The following TSPAN9 variants were observed in gnomAD, a reference collection of about 807,000 sequenced individuals.
TSPAN9 encodes tetraspanin 9.
Under a neutral mutation model 31.0 loss-of-function variants are expected in TSPAN9, and 16 were observed. The observed-to-expected ratio is 0.52, with a 90% CI of 0.35 to 0.78. The LOEUF is 0.78. Ranked by LOEUF, TSPAN9 falls within the 30% of genes least tolerant of loss-of-function variation. TSPAN9 has a pLI of 0.01. For missense variants in TSPAN9, 272 were observed against 312.5 expected (o/e 0.87, Z 0.98); for synonymous variants, 145 against 121.6 (o/e 1.19, Z -1.27).
At chr12:3,115,315 T>C (rs1254611745) in intron 2 of TSPAN9, among the ~76,000 whole-genome samples, 2 of 152,230 alleles carry the variant, frequency 1.3e-5, no homozygotes, top group Non-Finnish European at 2.9e-5. Context: ...ATTTTGTTTA[T>C]CTGTACCCAT....
chr12:3,235,478 C>T (rs1022880923), intron 3 of TSPAN9, among the ~76,000 whole-genome samples: 1 of 151,564 alleles, frequency 6.6e-6, no homozygotes, highest in Non-Finnish European at 1.5e-5. Flanking sequence ...GGCAAAAGTA[C>T]ATATGCCCCA....
intron 3 of TSPAN9, among the ~76,000 whole-genome samples, chr12:3,248,822 T>C (rs1219029867): frequency 1.3e-5 from 2 of 152,136 alleles, no homozygotes; most frequent in Non-Finnish European, 2.9e-5. Context: ...CTTCCACTGG[T>C]CTTTCAAACT....
chr12:3,093,436 G>A lies in TSPAN9; in HGVS notation c.-18+9717G>A, dbSNP rs1488005393. Among the ~76,000 whole-genome samples the A allele has an allele frequency of 2.6e-5, 4 of 152,304 alleles. No homozygotes were observed. The East Asian group carries it at 5.8e-4, about 22-fold the overall frequency. The stretch of plus-strand genomic sequence containing the variant: ...CCAGCTCACCCATAAAAGCTGGTGA[G>A]TCTCCGAGTGTCCTCAGGTCTGTGG... On this transcript the variant is annotated intron_variant, in intron 2 of 8. Coordinates refer to ENST00000011898, the MANE Select transcript of TSPAN9 (RefSeq NM_006675.5).
At chr12:3,123,295 G>A (rs986394878) in intron 2 of TSPAN9, among the ~76,000 whole-genome samples, 1 of 152,224 alleles carries the variant, frequency 6.6e-6, no homozygotes, top group Non-Finnish European at 1.5e-5. Flanking sequence ...GTGCCCTAGA[G>A]CCCTGTCCCA....
At chr12:3,222,077 G>A (rs1481989516) in intron 3 of TSPAN9, among the ~76,000 whole-genome samples, 1 of 152,224 alleles carries the variant, frequency 6.6e-6, no homozygotes, top group Non-Finnish European at 1.5e-5. Context: ...GCTCTGTTAT[G>A]AATGTATTTC....
chr12:3,154,539 G>A (rs929045964), intron 2 of TSPAN9, among the ~76,000 whole-genome samples: 3 of 152,178 alleles, frequency 2.0e-5, no homozygotes, highest in Admixed American at 6.5e-5. Context: ...TCAGATGAGC[G>A]ATAACAGCCC....
chr12:3,157,248 C>T (rs747520684), intron 2 of TSPAN9, among the ~76,000 whole-genome samples: 20 of 152,006 alleles, frequency 1.3e-4, no homozygotes, highest in Admixed American at 4.6e-4. Flanking sequence ...TACGGGTGCC[C>T]GCCACCATGC....
At chr12:3,268,873 T>C (rs374719160) in intron 3 of TSPAN9, among the ~76,000 whole-genome samples, 55 of 103,880 alleles carry the variant, frequency 5.3e-4, no homozygotes, top group South Asian at 9.0e-4. Context: ...GCCTGCCCTC[T>C]GTGCGTTCCT....
intron 3 of TSPAN9, among the ~76,000 whole-genome samples, chr12:3,229,033 A>G (rs1034149698): frequency 2.0e-5 from 3 of 152,248 alleles, no homozygotes; most frequent in African/African-American, 7.2e-5. Context: ...CAGGTCATCC[A>G]GGATGATCTC....
intron 3 of TSPAN9, among the ~76,000 whole-genome samples, chr12:3,246,599 G>T (rs1284123323): frequency 6.6e-6 from 1 of 152,192 alleles, no homozygotes; most frequent in East Asian, 1.9e-4. Context: ...CCAGGGAACA[G>T]TAGCCCAATT....
At chr12:3,209,118 C>T (rs1401930184) in intron 3 of TSPAN9, among the ~76,000 whole-genome samples, 1 of 151,836 alleles carries the variant, frequency 6.6e-6, no homozygotes, top group African/African-American at 2.4e-5. Context: ...GCCTGTAGTC[C>T]CAGCTAGTCA....
At chr12:3,094,826 C>T (rs181374860) in intron 2 of TSPAN9, among the ~76,000 whole-genome samples, 13 of 147,712 alleles carry the variant, frequency 8.8e-5, no homozygotes, top group Admixed American at 6.0e-4. Context: ...TGAGCCAACA[C>T]GCCCGGCAAA....
At chr12:3,152,788 A>G (rs981232979) in intron 2 of TSPAN9, among the ~76,000 whole-genome samples, 1 of 152,142 alleles carries the variant, frequency 6.6e-6, no homozygotes, top group Non-Finnish European at 1.5e-5. Context: ...GGGTTTCACC[A>G]TGTTGGCCAG....
At chr12:3,279,201 C>A in intron 5 of TSPAN9, 135 bp downstream of exon 5, 1 of 822,514 alleles carries the variant, frequency 1.2e-6, no homozygotes, top group South Asian at 1.6e-5. Context: ...AACATGGAAC[C>A]AAGGGTTGGG....
At chr12:3,130,226 G>T (rs942249114) in intron 2 of TSPAN9, among the ~76,000 whole-genome samples, 1 of 152,228 alleles carries the variant, frequency 6.6e-6, no homozygotes, top group Non-Finnish European at 1.5e-5. Context: ...GCAGGATCTG[G>T]CTGGGCATTT....
At chr12:3,204,643 G>A (rs1033438603) in intron 3 of TSPAN9, among the ~76,000 whole-genome samples, 5 of 152,122 alleles carry the variant, frequency 3.3e-5, no homozygotes, top group African/African-American at 1.2e-4. Context: ...TAGAGGAGAG[G>A]GAGTCAGTGG....
chr12:3,092,004 C>T (rs2098304976), intron 2 of TSPAN9, among the ~76,000 whole-genome samples: 1 of 152,204 alleles, frequency 6.6e-6, no homozygotes, highest in Non-Finnish European at 1.5e-5. Context: ...TTAATCAGTG[C>T]TCAGTGTTGA....
intron 1 of TSPAN9, among the ~76,000 whole-genome samples, chr12:3,081,824 G>GTC (rs2153961700): frequency 2.4e-5 from 1 of 41,244 alleles, no homozygotes; most frequent in South Asian, 1.0e-3. Context: ...GTGTGTGTGT[G>GTC]TGTGTGTGTG....
rs529049499 is a variant in TSPAN9, at chr12:3,114,869, T to C, written c.-18+31150T>C. On this transcript the variant is annotated intron_variant, in intron 2 of 8. Coordinates refer to ENST00000011898, the MANE Select transcript of TSPAN9 (RefSeq NM_006675.5). ...AAAAAAAAAAAAAAAAAAGATTCCC[T>C]GTAATCTGATAACATTAAGGAAGAA... Among the ~76,000 whole-genome samples, 88 of 149,274 alleles carry C rather than the reference T, an allele frequency of 5.9e-4. 1 individual carries two copies. Among genetic ancestry groups the C allele is most frequent in the African/African-American group, 2.1e-3 (87 of 40,616 alleles).
Sources: gnomAD v4.1 joint callset for allele counts (sites outside exome capture counted in the v4.1 genomes callset) on GRCh38, gnomAD v4.1.1 for gene constraint, MANE v1.5 for transcripts, NCBI Gene and HGNC (gene_info 2026-07-23, HGNC 2026-07-21) for gene names.